Variants in ADGRB3 observed in about 807,000 individuals in gnomAD.
The protein encoded by ADGRB3 is adhesion G protein-coupled receptor B3.
Under a neutral mutation model 193.4 loss-of-function variants are expected in ADGRB3, and 37 were observed. The ratio of observed to expected loss-of-function variants is 0.19; its 90% CI spans 0.15 to 0.25. The LOEUF (loss-of-function observed/expected upper bound fraction) is 0.25. Among genes scored for constraint, ADGRB3 ranks in the 10% least tolerant of loss-of-function variants. ADGRB3 has a pLI of 1.00. For synonymous variants in ADGRB3, 690 were observed against 644.2 expected (o/e 1.07, Z -1.08); for missense variants, 1,637 against 1,852.9 (o/e 0.88, Z 2.14).
At chr6:69,340,485 C>A (rs745550131) in intron 26 of ADGRB3, among the ~76,000 whole-genome samples, 21 of 152,024 alleles carry the variant, frequency 1.4e-4, no homozygotes, top group Non-Finnish European at 2.2e-4. Context: ...AACTTTATTG[C>A]AATGTGCACA....
intron 3 of ADGRB3, among the ~76,000 whole-genome samples, chr6:68,791,240 A>C (rs1190059452): frequency 6.6e-6 from 1 of 152,162 alleles, no homozygotes; most frequent in East Asian, 1.9e-4. Flanking sequence ...GGTAATATTC[A>C]TTTATGTCCT....
intron 13 of ADGRB3, among the ~76,000 whole-genome samples, chr6:69,022,538 A>G (rs960071643): frequency 6.6e-6 from 1 of 151,882 alleles, no homozygotes; most frequent in Non-Finnish European, 1.5e-5. Context: ...TGAAGCTCCT[A>G]TTTGAAAAGC....
chr6:69,100,852 GGGAAGGAA>G (rs1193487031), intron 17 of ADGRB3, among the ~76,000 whole-genome samples: 2 of 15,822 alleles, frequency 1.3e-4, no homozygotes, highest in Non-Finnish European at 1.6e-4. Context: ...GAGGGAGGGA[GGGAAGGAA>G]GGAAGGAAGG....
intron 13 of ADGRB3, among the ~76,000 whole-genome samples, chr6:69,018,847 C>T (rs1295247667): frequency 6.6e-6 from 1 of 151,842 alleles, no homozygotes; most frequent in African/African-American, 2.4e-5. Context: ...TGTATACACA[C>T]TAGTAATTTT....
chr6:68,803,518 CT>C (rs1490314470), intron 3 of ADGRB3, among the ~76,000 whole-genome samples: 5 of 152,148 alleles, frequency 3.3e-5, no homozygotes, highest in Admixed American at 2.0e-4. Context: ...GAAGTATCAC[CT>C]TACAAATCTT....
chr6:68,932,664 T>G lies in ADGRB3; in HGVS notation c.868+1995T>G, dbSNP rs193070141. Among the ~76,000 whole-genome samples, 77 of 151,966 alleles carry G rather than the reference T, an allele frequency of 5.1e-4. No individual in the cohort carries two copies. In the East Asian group the frequency reaches 0.012, roughly 24 times the overall value. Reference sequence around the variant, plus strand: ...ACAGGTAAGTGTCACACAATAAAATTTTACAAAAATTAAGCTTTACTTATA... The same window carrying G: ...ACAGGTAAGTGTCACACAATAAAATGTTACAAAAATTAAGCTTTACTTATA... On this transcript the variant is annotated intron_variant, in intron 4 of 31. Coordinates refer to ENST00000370598, the MANE Select transcript of ADGRB3 (RefSeq NM_001704.3).
chr6:68,848,136 T>C (rs1383744816), intron 3 of ADGRB3, among the ~76,000 whole-genome samples: 1 of 151,986 alleles, frequency 6.6e-6, no homozygotes, highest in Non-Finnish European at 1.5e-5. Context: ...TTTAAAAGGA[T>C]TAAAAACTTT....
At chr6:68,974,998 T>G (rs1768701334) in intron 9 of ADGRB3, 134 bp downstream of exon 9, 1 of 788,838 alleles carries the variant, frequency 1.3e-6, no homozygotes, top group South Asian at 1.9e-5. Flanking sequence ...AATGAAACAA[T>G]TTTAGTAAAG....
chr6:69,207,151 G>A (rs1765556719), intron 17 of ADGRB3, among the ~76,000 whole-genome samples: 1 of 152,084 alleles, frequency 6.6e-6, no homozygotes, highest in Non-Finnish European at 1.5e-5. Context: ...CAGTCTAATG[G>A]AATTGTTGTG....
At chr6:69,234,899 A>G in intron 18 of ADGRB3, 133 bp from the exon 19 acceptor site, 2 of 634,878 alleles carry the variant, frequency 3.2e-6, no homozygotes, top group Non-Finnish European at 5.4e-6. Context: ...GAGTGGATTC[A>G]TGGGTAACTA....
chr6:68,975,291 C>A lies in ADGRB3; in HGVS notation c.1685C>A (p.Pro562Gln), dbSNP rs775361384. Reference sequence around the variant, plus strand: ...CATGGAGTGGCCTTCTGGGAACAGCCGAGCTTTGCAAGATGCATATCAAAT... The same window carrying A: ...CATGGAGTGGCCTTCTGGGAACAGCAGAGCTTTGCAAGATGCATATCAAAT... The part of the protein sequence containing the change: ...SLHGVAFWEQ[P>Q]SFARCISNEY... Residue 562 changes from proline (P) to glutamine (Q), a missense_variant, in exon 10 of 32, where the codon CCG (proline) becomes CAG (glutamine). Transcript: ENST00000370598. 2 of 1,613,974 alleles carry A rather than the reference C, an allele frequency of 1.2e-6. No individual in the cohort carries two copies. Among genetic ancestry groups the A allele is most frequent in the South Asian group, 1.1e-5 (1 of 91,070 alleles).
chr6:68,722,251 C>A (rs1409989725), intron 3 of ADGRB3, among the ~76,000 whole-genome samples: 1 of 151,662 alleles, frequency 6.6e-6, no homozygotes, highest in Non-Finnish European at 1.5e-5. Context: ...CACATGTTCT[C>A]ACTCATAAGT....
chr6:68,978,815 T>G (rs957016319), intron 10 of ADGRB3, among the ~76,000 whole-genome samples: 2 of 151,446 alleles, frequency 1.3e-5, no homozygotes, highest in African/African-American at 4.8e-5. Context: ...TTCCTTACCC[T>G]TCTATATTCT....
intron 13 of ADGRB3, among the ~76,000 whole-genome samples, chr6:69,030,237 C>T (rs907374323): frequency 3.3e-5 from 5 of 152,060 alleles, no homozygotes; most frequent in Non-Finnish European, 5.9e-5. Context: ...CCAGAAATAC[C>T]ACTTGACCCA....
At chr6:68,859,925 G>C (rs923166037) in intron 3 of ADGRB3, among the ~76,000 whole-genome samples, 12 of 151,840 alleles carry the variant, frequency 7.9e-5, no homozygotes, top group Non-Finnish European at 5.9e-5. Flanking sequence ...ATGCAATTGA[G>C]AAAATATAGA....
chr6:68,988,228 C>T (rs1769134701), intron 10 of ADGRB3, among the ~76,000 whole-genome samples: 1 of 152,090 alleles, frequency 6.6e-6, no homozygotes, highest in African/African-American at 2.4e-5. Context: ...ACAACACAAA[C>T]ACTATAGTAA....
chr6:68,945,242 T>C (rs1767743470), intron 6 of ADGRB3, among the ~76,000 whole-genome samples: 1 of 152,164 alleles, frequency 6.6e-6, no homozygotes, highest in South Asian at 2.1e-4. Flanking sequence ...TACATTATTT[T>C]ACTGACTAAT....
At chr6:68,850,315 CT>C (rs1768371861) in intron 3 of ADGRB3, among the ~76,000 whole-genome samples, 1 of 151,788 alleles carries the variant, frequency 6.6e-6, no homozygotes, top group African/African-American at 2.4e-5. Context: ...TTAATTCATT[CT>C]TTTTTGATAG....
intron 3 of ADGRB3, among the ~76,000 whole-genome samples, chr6:68,803,320 A>AT (rs1437480966): frequency 2.6e-5 from 4 of 152,120 alleles, no homozygotes; most frequent in Admixed American, 2.0e-4. Flanking sequence ...AGAGTTCCAT[A>AT]TTTTTTGCAT....
Sources: gnomAD v4.1 joint callset for allele counts (sites outside exome capture counted in the v4.1 genomes callset) on GRCh38, gnomAD v4.1.1 for gene constraint, MANE v1.5 for transcripts, NCBI Gene and HGNC (gene_info 2026-07-23, HGNC 2026-07-21) for gene names.